Variants in SYNPR observed in about 807,000 individuals in gnomAD.
SYNPR encodes the protein synaptoporin.
SYNPR carries 23 observed loss-of-function variants against 32.9 expected under a neutral mutation model. That is an observed-to-expected ratio of 0.70 (90% CI 0.50 to 0.99). The LOEUF (loss-of-function observed/expected upper bound fraction) is 0.99, where lower values mean the gene tolerates loss of function less well. Ranked by LOEUF, SYNPR falls within the 50% of genes least tolerant of loss-of-function variation. The pLI, the probability that SYNPR is intolerant of heterozygous loss-of-function variation, is 0.00. For synonymous variants in SYNPR, 146 were observed against 135.9 expected (o/e 1.07, Z -0.52); for missense variants, 318 against 349.3 (o/e 0.91, Z 0.71).
chr3:63,440,371 G>A (rs1171989694), intron 2 of SYNPR, among the ~76,000 whole-genome samples: 1 of 152,072 alleles, frequency 6.6e-6, no homozygotes, highest in Non-Finnish European at 1.5e-5. Flanking sequence ...AAAGGGTTTG[G>A]GTTTTACTTA....
At chr3:63,393,994 C>T (rs962119303) in intron 2 of SYNPR, among the ~76,000 whole-genome samples, 1 of 152,094 alleles carries the variant, frequency 6.6e-6, no homozygotes, top group African/African-American at 2.4e-5. Context: ...ACTTTTATTA[C>T]AAATATTTTA....
At chr3:63,404,052 A>T (rs2088327065) in intron 2 of SYNPR, among the ~76,000 whole-genome samples, 1 of 152,236 alleles carries the variant, frequency 6.6e-6, no homozygotes, top group African/African-American at 2.4e-5. Context: ...CTAGAGAACA[A>T]AAACACTGAG....
At chr3:63,451,767 G>C (rs73849137) in intron 2 of SYNPR, among the ~76,000 whole-genome samples, 5,359 of 152,070 alleles carry the variant, frequency 0.035, 123 homozygotes, top group South Asian at 0.1. Flanking sequence ...GCCTGCTCTG[G>C]GTTTCTCATT....
chr3:63,321,882 C>G (rs1270232277), intron 2 of SYNPR, among the ~76,000 whole-genome samples: 1 of 152,014 alleles, frequency 6.6e-6, no homozygotes, highest in African/African-American at 2.4e-5. Context: ...TCTGAGGTTT[C>G]CCTTGAAGAG....
intron 3 of SYNPR, among the ~76,000 whole-genome samples, chr3:63,499,079 A>G (rs887161114): frequency 1.1e-4 from 17 of 152,092 alleles, no homozygotes; most frequent in African/African-American, 4.1e-4. Context: ...TGAGGAGACC[A>G]GTTAAATGGT....
In SYNPR at chr3:63,459,519, A is replaced by G. The variant is rs111564272; in HGVS notation, c.85-21313A>G. Among the ~76,000 whole-genome samples, 896 of 152,310 alleles carry G rather than the reference A, an allele frequency of 5.9e-3. 2 individuals carry two copies. Among genetic ancestry groups the G allele is most frequent in the Non-Finnish European group, 8.6e-3 (585 of 68,014 alleles). On this transcript the variant is annotated intron_variant, in intron 2 of 5. Transcript: ENST00000478300. ...CATGGGCACTAGCATTGGCTCCTGC[A>G]GCAAAGTTTGGCCTCCTTGAGAATA...
intron 2 of SYNPR, among the ~76,000 whole-genome samples, chr3:63,397,343 A>G (rs1039615059): frequency 6.6e-6 from 1 of 152,214 alleles, no homozygotes; most frequent in Non-Finnish European, 1.5e-5. Context: ...TTTAATGCAG[A>G]GAACTTAAAA....
At chr3:63,550,705 G>A (rs1702485270) in intron 3 of SYNPR, among the ~76,000 whole-genome samples, 1 of 152,188 alleles carries the variant, frequency 6.6e-6, no homozygotes, top group Non-Finnish European at 1.5e-5. Context: ...GCTGATCCTG[G>A]GGTGCAGCCT....
At chr3:63,468,659 G>T (rs1700734913) in intron 2 of SYNPR, among the ~76,000 whole-genome samples, 1 of 152,054 alleles carries the variant, frequency 6.6e-6, no homozygotes, top group Non-Finnish European at 1.5e-5. Flanking sequence ...AGATTAACCG[G>T]GTGTGGTGGT....
chr3:63,319,252 C>T (rs2106965428), intron 2 of SYNPR, among the ~76,000 whole-genome samples: 1 of 152,074 alleles, frequency 6.6e-6, no homozygotes, highest in African/African-American at 2.4e-5. Context: ...GAATTTACTT[C>T]TGGGTTCTGT....
At chr3:63,582,088 T>G (rs1703103321) in intron 4 of SYNPR, among the ~76,000 whole-genome samples, 1 of 144,368 alleles carries the variant, frequency 6.9e-6, no homozygotes, top group African/African-American at 2.6e-5. Context: ...TGTTGCATAC[T>G]TACCTCCAGA....
chr3:63,582,056 T>G (rs1009726587), intron 4 of SYNPR, among the ~76,000 whole-genome samples: 4 of 152,236 alleles, frequency 2.6e-5, no homozygotes, highest in Middle Eastern at 6.8e-3. Context: ...ATGAGAGTGG[T>G]CTGTGAAATA....
intron 3 of SYNPR, among the ~76,000 whole-genome samples, chr3:63,544,563 A>G (rs1702366225): frequency 6.6e-6 from 1 of 152,106 alleles, no homozygotes; most frequent in East Asian, 1.9e-4. Flanking sequence ...TACCCTGAGC[A>G]TTTAGTGAAG....
chr3:63,614,356 T>A (rs539160365), intron 5 of SYNPR, among the ~76,000 whole-genome samples: 8 of 152,338 alleles, frequency 5.3e-5, no homozygotes, highest in Non-Finnish European at 8.8e-5. Flanking sequence ...TCGGGCCTCA[T>A]GCAATAGCAA....
intron 2 of SYNPR, among the ~76,000 whole-genome samples, chr3:63,280,411 A>G (rs1431425860): frequency 6.6e-6 from 1 of 151,930 alleles, no homozygotes; most frequent in African/African-American, 2.4e-5. Context: ...GAGAACCACC[A>G]CTCTAAGCTA....
At chr3:63,321,815 A>G (rs1283827984) in intron 2 of SYNPR, among the ~76,000 whole-genome samples, 1 of 152,058 alleles carries the variant, frequency 6.6e-6, no homozygotes, top group East Asian at 1.9e-4. Flanking sequence ...ATTCCCCTTG[A>G]ACAAAATCAG....
chr3:63,541,473 C>T (rs573412444), intron 3 of SYNPR, among the ~76,000 whole-genome samples: 8 of 152,162 alleles, frequency 5.3e-5, no homozygotes, highest in African/African-American at 1.9e-4. Context: ...TTCTATTGAC[C>T]TGAGTTATCA....
chr3:63,372,966 C>T (rs1269118374), intron 2 of SYNPR, among the ~76,000 whole-genome samples: 2 of 152,142 alleles, frequency 1.3e-5, no homozygotes, highest in Non-Finnish European at 2.9e-5. Context: ...ACTTCAACAC[C>T]AAAAATCCTT....
chr3:63,243,257 A>G (rs2106882538), intron 1 of SYNPR, among the ~76,000 whole-genome samples: 1 of 152,200 alleles, frequency 6.6e-6, no homozygotes, highest in East Asian at 1.9e-4. Flanking sequence ...AAGCTTACAT[A>G]TAGAAGAATC....
Sources: allele counts gnomAD v4.1 joint callset (sites outside exome capture counted in the v4.1 genomes callset), GRCh38; gene constraint gnomAD v4.1.1; transcripts MANE v1.5; gene names NCBI Gene and HGNC (gene_info 2026-07-23, HGNC 2026-07-21).